Variants in DYNC2H1 observed in about 807,000 individuals in gnomAD.
DYNC2H1 encodes cytoplasmic dynein 2 heavy chain 1.
DYNC2H1 carries 410 observed loss-of-function variants against 570.0 expected under a neutral mutation model. The ratio of observed to expected loss-of-function variants is 0.72; its 90% CI spans 0.66 to 0.78. The LOEUF (loss-of-function observed/expected upper bound fraction) is 0.78. DYNC2H1 is among the 30% of genes least tolerant of loss of function. DYNC2H1 has a pLI of 0.00. For synonymous variants in DYNC2H1, 1,688 were observed against 1,677.6 expected (o/e 1.01, Z -0.15); for missense variants, 4,865 against 5,046.4 (o/e 0.96, Z 1.09).
At chr11:103,437,683 C>T (rs919987972) in intron 85 of DYNC2H1, among the ~76,000 whole-genome samples, 1 of 152,060 alleles carries the variant, frequency 6.6e-6, no homozygotes, top group Non-Finnish European at 1.5e-5. Context: ...GATCTTAGAA[C>T]AGTATAGAAA....
intron 87 of DYNC2H1, among the ~76,000 whole-genome samples, chr11:103,457,835 T>G (rs1944849116): frequency 6.6e-6 from 1 of 152,178 alleles, no homozygotes; most frequent in Non-Finnish European, 1.5e-5. Flanking sequence ...ATTCCATTCA[T>G]ATAGTTCTAG....
chr11:103,361,042 G>A (rs1424650415), intron 83 of DYNC2H1, among the ~76,000 whole-genome samples: 1 of 152,128 alleles, frequency 6.6e-6, no homozygotes, highest in African/African-American at 2.4e-5. Flanking sequence ...AAAATGTTTG[G>A]CGCATTCAAT....
intron 83 of DYNC2H1, among the ~76,000 whole-genome samples, chr11:103,361,189 G>T (rs904310705): frequency 6.6e-6 from 1 of 152,174 alleles, no homozygotes; most frequent in Non-Finnish European, 1.5e-5. Context: ...CAAAGTGATG[G>T]TATTTGTAGA....
At chr11:103,171,958 A>T (rs1224529980) in intron 34 of DYNC2H1, among the ~76,000 whole-genome samples, 2 of 152,218 alleles carry the variant, frequency 1.3e-5, no homozygotes, top group Non-Finnish European at 2.9e-5. Context: ...CATTAATGTC[A>T]CTAGAATATA....
Position 103,323,471 on chromosome 11 carries a change from A to AATAT in DYNC2H1, c.11935-399_11935-396dup, listed in dbSNP as rs3989921. The stretch of plus-strand genomic sequence containing the variant: ...CAAAAGTAGATTGCCTGAATATATA[A>AATAT]ATATATATATATATATATAACTGCT... On this transcript the variant is annotated intron_variant, in intron 81 of 88. Transcript: ENST00000375735. Among the ~76,000 whole-genome samples the AATAT allele has an allele frequency of 8.8e-5, 13 of 148,530 alleles. No homozygotes were observed. The East Asian group carries it at 2.2e-3, about 25-fold the overall frequency.
At position 103,244,113 on chromosome 11, in the gene DYNC2H1, G is replaced by A. The variant is rs986189602; in HGVS notation, c.9918+322G>A. On this transcript the variant is annotated intron_variant, in intron 64 of 88. Transcript: ENST00000375735. The surrounding 1 kb of genome is among the most constrained non-coding windows in gnomAD (Gnocchi z 4.3). ...ACTAATGACACAAGTATAAGCTGCT[G>A]TAGAAGTAGGAGCTTTTAAGTTAGC... is the stretch of plus-strand genomic sequence containing the variant. 1.3e-5 allele frequency among the ~76,000 whole-genome samples: 2 copies of A among 152,122 alleles called. No homozygotes were observed. Among genetic ancestry groups the A allele is most frequent in the Non-Finnish European group, 2.9e-5 (2 of 67,970 alleles).
chr11:103,464,621 C>CTTCTCA (rs1177981438), intron 87 of DYNC2H1, among the ~76,000 whole-genome samples: 7 of 152,110 alleles, frequency 4.6e-5, no homozygotes, highest in African/African-American at 9.7e-5. Context: ...TGACAGCGGA[C>CTTCTCA]TTCTCATTCA....
At chr11:103,419,414 A>C (rs1235988331) in intron 84 of DYNC2H1, among the ~76,000 whole-genome samples, 2 of 152,176 alleles carry the variant, frequency 1.3e-5, no homozygotes, top group Non-Finnish European at 2.9e-5. Context: ...CCGCTGGGAC[A>C]GAGCTTCCAG....
intron 73 of DYNC2H1, among the ~76,000 whole-genome samples, chr11:103,284,308 C>G (rs1455214736): frequency 6.6e-6 from 1 of 152,180 alleles, no homozygotes; most frequent in Admixed American, 6.5e-5. Context: ...ACTGAAGTCT[C>G]TTTTCGCCTA....
intron 87 of DYNC2H1, among the ~76,000 whole-genome samples, chr11:103,462,852 A>G (rs1256522912): frequency 6.6e-6 from 1 of 152,100 alleles, no homozygotes; most frequent in Non-Finnish European, 1.5e-5. Context: ...GTTGACCTGT[A>G]TATCTTTCTT....
intron 1 of DYNC2H1, among the ~76,000 whole-genome samples, chr11:103,110,724 A>G (rs1044828045): frequency 3.5e-4 from 53 of 152,300 alleles, no homozygotes; most frequent in African/African-American, 1.2e-3. Context: ...GATTTAAGTT[A>G]ATAAAACAAA....
intron 31 of DYNC2H1, among the ~76,000 whole-genome samples, chr11:103,166,649 A>C (rs1013685061): frequency 6.6e-6 from 1 of 152,128 alleles, no homozygotes; most frequent in African/African-American, 2.4e-5. Flanking sequence ...TTCTACTTCC[A>C]TCTGAGCTAT....
intron 83 of DYNC2H1, among the ~76,000 whole-genome samples, chr11:103,385,582 G>A (rs1267471563): frequency 1.3e-5 from 2 of 152,146 alleles, no homozygotes; most frequent in Admixed American, 6.5e-5. Flanking sequence ...TTAGCTTCCA[G>A]AAAAGGGCCA....
At chr11:103,173,840 T>G (rs957580164) in intron 35 of DYNC2H1, among the ~76,000 whole-genome samples, 1 of 152,132 alleles carries the variant, frequency 6.6e-6, no homozygotes, top group East Asian at 1.9e-4. Context: ...ATAATTAGCT[T>G]GTTCATAAAA....
intron 85 of DYNC2H1, chr11:103,454,882 A>G (rs1357469389): frequency 6.3e-5 from 16 of 254,332 alleles, no homozygotes; most frequent in Non-Finnish European, 1.2e-4. Flanking sequence ...TCAGCACACT[A>G]CAAGTGCTGG....
intron 73 of DYNC2H1, among the ~76,000 whole-genome samples, chr11:103,284,136 TC>T (rs1463157424): frequency 6.6e-6 from 1 of 152,192 alleles, no homozygotes; most frequent in African/African-American, 2.4e-5. Context: ...TCTGATGACT[TC>T]GGCCTGTCTT....
At chr11:103,220,083 T>A in intron 56 of DYNC2H1, 55 bp downstream of exon 56, 1 of 1,006,600 alleles carries the variant, frequency 9.9e-7, no homozygotes, top group Non-Finnish European at 1.4e-6. Flanking sequence ...CAGTTATATG[T>A]AGGAATTTAA....
intron 40 of DYNC2H1, among the ~76,000 whole-genome samples, chr11:103,183,591 C>A (rs1243294328): frequency 6.6e-6 from 1 of 151,900 alleles, no homozygotes; most frequent in Non-Finnish European, 1.5e-5. Flanking sequence ...TAGTCAAATG[C>A]TGAAATTGTA....
chr11:103,343,962 A>G (rs1276485407), intron 82 of DYNC2H1, among the ~76,000 whole-genome samples: 1 of 152,216 alleles, frequency 6.6e-6, no homozygotes, highest in East Asian at 1.9e-4. Context: ...TATGGAATTA[A>G]TAAATTCAGG....
Sources: gnomAD v4.1 joint callset for allele counts (sites outside exome capture counted in the v4.1 genomes callset) on GRCh38, gnomAD v4.1.1 for gene constraint, Gnocchi (gnomAD v3.1) non-coding constraint, MANE v1.5 for transcripts, NCBI Gene and HGNC (gene_info 2026-07-23, HGNC 2026-07-21) for gene names.